PTPRF: variants seen among roughly 807,000 people sequenced by gnomAD.
PTPRF encodes the protein receptor-type tyrosine-protein phosphatase F.
PTPRF carries 59 observed loss-of-function variants against 201.8 expected under a neutral mutation model. The ratio of observed to expected loss-of-function variants is 0.29; its 90% CI spans 0.24 to 0.36. PTPRF has a LOEUF of 0.36. Among genes scored for constraint, PTPRF ranks in the 10% least tolerant of loss-of-function variants. The pLI is 1.00. For missense variants in PTPRF, 2,132 were observed against 2,690.5 expected (o/e 0.79, Z 4.59); for synonymous variants, 1,088 against 1,089.7 (o/e 1.00, Z 0.03).
At chr1:43,612,715 C>T (rs1223639781) in intron 22 of PTPRF, 5 of 1,337,716 alleles carry the variant, frequency 3.7e-6, no homozygotes, top group Non-Finnish European at 4.0e-6. Context: ...AACGGGCTTT[C>T]TTTTCTTGCC....
chr1:43,617,414 C>T, intron 23 of PTPRF, 31 bp from the exon 24 acceptor site: 1 of 1,613,598 alleles, frequency 6.2e-7, no homozygotes, highest in Non-Finnish European at 8.5e-7. Context: ...GGCTCTTACC[C>T]CACCCCACCC....
At chr1:43,598,394 C>T (rs1484074880) in intron 12 of PTPRF, 2 of 464,100 alleles carry the variant, frequency 4.3e-6, no homozygotes, top group Non-Finnish European at 7.6e-6. Flanking sequence ...ATGATTGGGG[C>T]CTAGGAGGAG....
At position 43,546,029 on chromosome 1, in the gene PTPRF, G is replaced by C. The variant is rs558995850; in HGVS notation, c.91+863G>C. Among the ~76,000 whole-genome samples, 4 of 152,114 alleles carry C rather than the reference G, an allele frequency of 2.6e-5. No homozygotes were observed. The highest frequency in any genetic ancestry group is 6.5e-5 in the Admixed American group (1 of 15,280). On this transcript the variant is annotated intron_variant, in intron 3 of 33. Coordinates refer to ENST00000359947, the MANE Select transcript of PTPRF (RefSeq NM_002840.5). The surrounding 1 kb of genome is among the most constrained non-coding windows in gnomAD (Gnocchi z 4.2). The stretch of plus-strand genomic sequence containing the variant: ...GGGCGAGGTCGGAGCCAAGGTCCCT[G>C]GGGGAAGGGGCCGTTCCCAGCCTGT...
In PTPRF at chr1:43,542,466, T is replaced by C. The variant is rs1453418334; in HGVS notation, c.-45-2565T>C. On this transcript the variant is annotated intron_variant, in intron 2 of 33. Coordinates refer to ENST00000359947, the MANE Select transcript of PTPRF (RefSeq NM_002840.5). The surrounding 1 kb of genome is among the most constrained non-coding windows in gnomAD (Gnocchi z 5.2). ...AGTGTCCTGAGCACCCCAACCCAGA[T>C]ACACAGGGGGTTTCTGGAGGCCCCA... Among the ~76,000 whole-genome samples the C allele has an allele frequency of 6.6e-6, 1 of 152,146 alleles. No homozygotes were observed. The highest frequency in any genetic ancestry group is 1.5e-5 in the Non-Finnish European group (1 of 68,008).
chr1:43,592,596 A>G lies in PTPRF; in HGVS notation c.1808A>G (p.Gln603Arg), dbSNP rs757452368. 1 of 1,586,612 alleles carries G rather than the reference A, an allele frequency of 6.3e-7. No individual in the cohort carries two copies. The highest frequency in any genetic ancestry group is 8.6e-7 in the Non-Finnish European group (1 of 1,166,008). ...CCCACCATTGAGGCCCGCACAGCCC[A>G]GTCCAGTAAGTGTCTCCCAAGTCCG... ...FTPTIEARTA[Q>R]STPSAPPQKV... The change falls in exon 11 of 34, where the codon CAG becomes CGG. Residue 603 changes from glutamine to arginine, a missense_variant. Coordinates refer to ENST00000359947, the MANE Select transcript of PTPRF (RefSeq NM_002840.5).
At chr1:43,540,648 C>A (rs1012577613) in intron 2 of PTPRF, among the ~76,000 whole-genome samples, 1 of 152,222 alleles carries the variant, frequency 6.6e-6, no homozygotes, top group Non-Finnish European at 1.5e-5. Context: ...TCCCCCTCCA[C>A]TCCTCAGTGA....
In PTPRF at chr1:43,621,916, C is replaced by T. The variant is rs776382046; in HGVS notation, c.5656-19C>T. 1.9e-6 allele frequency: 3 copies of T among 1,613,872 alleles called. No homozygotes were observed. The highest frequency in any genetic ancestry group is 2.5e-6 in the Non-Finnish European group (3 of 1,179,826). ...GTCCACTGGCGCGACCCACACTGAC[C>T]AGCCCCCTATCCTGGCAGGACCAGT... On this transcript the variant is annotated intron_variant, in intron 33 of 33. Transcript: ENST00000359947.
In PTPRF at chr1:43,553,710, C is replaced by G. The variant is rs1423205278; in HGVS notation, c.237+73C>G. 2 of 1,609,056 alleles carry G rather than the reference C, an allele frequency of 1.2e-6. No homozygotes were observed. The highest frequency in any genetic ancestry group is 1.7e-6 in the Non-Finnish European group (2 of 1,176,936). On this transcript the variant is annotated intron_variant, in intron 4 of 33. Transcript: ENST00000359947. The surrounding 1 kb of genome is among the most constrained non-coding windows in gnomAD (Gnocchi z 4.1). ...ACTCTCTCCTTTCAGTGTCCCTCCT[C>G]ATGGACCTTTTGGAGGTGGGAGGAC...
chr1:43,592,470 T>G lies in PTPRF; in HGVS notation c.1682T>G (p.Phe561Cys). 1 of 1,610,386 alleles carries G rather than the reference T, an allele frequency of 6.2e-7. No individual in the cohort carries two copies. The highest frequency in any genetic ancestry group is 8.5e-7 in the Non-Finnish European group (1 of 1,178,298). Residue 561 changes from phenylalanine (F) to cysteine (C), a missense_variant, in exon 11 of 34, where the codon TTC becomes TGC. This residue lies in a region of PTPRF where 351 missense variants were observed against 401.7 expected (regional missense o/e 0.87). Transcript: ENST00000359947. ...TGCTCTTCCCAGCACAAGGTGACCT[T>G]CGACCCAACCTCCTCCTACACACTA... ...EDEDQQHKVT[F>C]DPTSSYTLED...
chr1:43,559,170 G>A (rs185492582), intron 5 of PTPRF, among the ~76,000 whole-genome samples: 1 of 152,358 alleles, frequency 6.6e-6, no homozygotes, highest in Non-Finnish European at 1.5e-5. Context: ...TGTGTGAAGT[G>A]TGTGGTGCAG....
intron 1 of PTPRF, 117 bp from the exon 2 acceptor site, chr1:43,538,081 T>G: frequency 7.6e-6 from 3 of 396,428 alleles, no homozygotes; most frequent in Non-Finnish European, 1.3e-5. Flanking sequence ...CATGAACATT[T>G]CCATAACCTG....
intron 3 of PTPRF, among the ~76,000 whole-genome samples, chr1:43,547,177 C>T (rs1040619068): frequency 6.6e-6 from 1 of 152,140 alleles, no homozygotes; most frequent in Non-Finnish European, 1.5e-5. Context: ...CTCGCTGTCC[C>T]TCCACCCACC....
At position 43,554,513 on chromosome 1, in the gene PTPRF, G is replaced by A. The variant is rs554788382; in HGVS notation, c.379+572G>A. Among the ~76,000 whole-genome samples, 1 of 152,198 alleles carries A rather than the reference G, an allele frequency of 6.6e-6. No individual in the cohort carries two copies. Among genetic ancestry groups the A allele is most frequent in the Non-Finnish European group, 1.5e-5 (1 of 68,044 alleles). On this transcript the variant is annotated intron_variant, in intron 5 of 33. Transcript: ENST00000359947. The surrounding 1 kb of genome is among the most constrained non-coding windows in gnomAD (Gnocchi z 4.1). Reference sequence around the variant, plus strand: ...GGACAGGTGGGAGTTGGGGGTGGCAGTTGGCAGCTAGGCAGGTGCCCAGGC... The same window carrying A: ...GGACAGGTGGGAGTTGGGGGTGGCAATTGGCAGCTAGGCAGGTGCCCAGGC...
At chr1:43,535,841 C>T (rs912783469) in intron 1 of PTPRF, among the ~76,000 whole-genome samples, 14 of 152,166 alleles carry the variant, frequency 9.2e-5, no homozygotes, top group Admixed American at 4.6e-4. Flanking sequence ...GTGGTGCAGT[C>T]GTGGCTCACT....
chr1:43,598,501 G>C, intron 12 of PTPRF: 1 of 554,260 alleles, frequency 1.8e-6, no homozygotes, highest in East Asian at 3.0e-5. Context: ...TGAGAGGCCT[G>C]GGCCAGAGGG....
intron 6 of PTPRF, 90 bp from the exon 7 acceptor site, chr1:43,578,720 T>A (rs1647105537): frequency 2.1e-6 from 2 of 953,750 alleles, no homozygotes; most frequent in Non-Finnish European, 3.3e-6. Flanking sequence ...CTGGTCAACA[T>A]CAGCCACAGA....
intron 7 of PTPRF, among the ~76,000 whole-genome samples, chr1:43,580,464 T>C (rs1647297698): frequency 6.6e-6 from 1 of 152,092 alleles, no homozygotes; most frequent in South Asian, 2.1e-4. Context: ...TTCATGAGAG[T>C]TGGGGGCATG....
At chr1:43,602,194 A>C in intron 14 of PTPRF, 97 bp downstream of exon 14, 2 of 1,429,474 alleles carry the variant, frequency 1.4e-6, no homozygotes, top group Non-Finnish European at 9.9e-7. Context: ...CTGCACTGCC[A>C]AGATCCACAG....
rs1654299997 is a variant in PTPRF at position 43,603,512 on chromosome 1, A to G, written c.2437A>G (p.Ile813Val). 6.2e-7 allele frequency: 1 copy of G among 1,613,872 alleles called. No homozygotes were observed. Among genetic ancestry groups the G allele is most frequent in the African/African-American group, 1.3e-5 (1 of 74,892 alleles). Residue 813 changes from isoleucine to valine, a missense_variant, in exon 15 of 34, where the codon ATT (isoleucine) becomes GTT (valine). By Grantham distance (29) the Ile-to-Val change is conservative (BLOSUM62 3). This residue lies in a region of PTPRF where 818 missense variants were observed against 915.3 expected (regional missense o/e 0.89). Coordinates refer to ENST00000359947, the MANE Select transcript of PTPRF (RefSeq NM_002840.5). The surrounding 1 kb of genome is among the most constrained non-coding windows in gnomAD (Gnocchi z 5.8). ...GGATGGTGCCCGCAGCAAGCCCAAA[A>G]TTGTCACTACAACAGGTGCAGGTGA... The part of the protein sequence containing the change: ...KGDGARSKPK[I>V]VTTTGAVPGR...
Sources: gnomAD v4.1 joint callset for allele counts (sites outside exome capture counted in the v4.1 genomes callset) on GRCh38, gnomAD v4.1.1 for gene constraint, gnomAD v4.1.1 regional missense constraint, Gnocchi (gnomAD v3.1) non-coding constraint, MANE v1.5 for transcripts, NCBI Gene and HGNC (gene_info 2026-07-23, HGNC 2026-07-21) for gene names.